SPAG16: variants seen among roughly 807,000 people sequenced by gnomAD.
SPAG16 encodes the protein sperm-associated antigen 16 protein.
In SPAG16, 86 loss-of-function variants were observed where a neutral mutation model predicts 80.4. That is an observed-to-expected ratio of 1.07 (90% CI 0.90 to 1.28). SPAG16 has a LOEUF of 1.28. Ranked by LOEUF, SPAG16 falls within the 50% of genes most tolerant of loss-of-function variation. The pLI is 0.00. For synonymous variants in SPAG16, 294 were observed against 265.9 expected, an observed-to-expected ratio of 1.11 and a Z score of -1.03; for missense variants, 870 against 765.3, an observed-to-expected ratio of 1.14 and a Z score of -1.61.
chr2:213,948,806 A>G (rs1010815506), intron 12 of SPAG16, among the ~76,000 whole-genome samples: 9 of 152,204 alleles, frequency 5.9e-5, no homozygotes, highest in Non-Finnish European at 1.0e-4. Flanking sequence ...AATGTATTTT[A>G]CACATATTCC....
At chr2:213,433,224 C>A (rs2070412004) in intron 9 of SPAG16, among the ~76,000 whole-genome samples, 1 of 152,088 alleles carries the variant, frequency 6.6e-6, no homozygotes, top group Non-Finnish European at 1.5e-5. Flanking sequence ...TTGGCCAATC[C>A]TATTCAACTT....
At chr2:213,796,175 T>C (rs2071018304) in intron 10 of SPAG16, among the ~76,000 whole-genome samples, 3 of 152,260 alleles carry the variant, frequency 2.0e-5, no homozygotes, top group South Asian at 4.1e-4. Flanking sequence ...ATTATAGTAA[T>C]TTAATTTCCA....
intron 8 of SPAG16, among the ~76,000 whole-genome samples, chr2:213,373,497 C>A (rs1229823268): frequency 2.6e-5 from 4 of 152,130 alleles, no homozygotes. Context: ...TGTAGAGCAA[C>A]AATGTATACA....
At chr2:214,256,683 T>C (rs1309489930) in intron 15 of SPAG16, among the ~76,000 whole-genome samples, 1 of 151,930 alleles carries the variant, frequency 6.6e-6, no homozygotes, top group Non-Finnish European at 1.5e-5. Flanking sequence ...CCCTTAACTG[T>C]CCACACTGGG....
intron 11 of SPAG16, among the ~76,000 whole-genome samples, chr2:213,869,265 A>AAAAAAAAAAAAAAATATATATACG (rs1491244962): frequency 4.0e-5 from 1 of 24,806 alleles, no homozygotes; most frequent in African/African-American, 5.4e-5. Flanking sequence ...AAAAAAAAAA[A>AAAAAAAAAAAAAAATATATATACG]TATATATATA....
intron 10 of SPAG16, among the ~76,000 whole-genome samples, chr2:213,699,418 GGCAGGCCT>G (rs754426742): frequency 2.0e-5 from 3 of 152,086 alleles, no homozygotes; most frequent in Non-Finnish European, 4.4e-5. Context: ...AATGACTAGT[GGCAGGCCT>G]GCAGGCCTTT....
chr2:214,212,968 A>G (rs1363623279), intron 15 of SPAG16, among the ~76,000 whole-genome samples: 1 of 152,192 alleles, frequency 6.6e-6, no homozygotes, highest in African/African-American at 2.4e-5. Flanking sequence ...GTGGGCCACC[A>G]TTATTGTCAA....
intron 13 of SPAG16, among the ~76,000 whole-genome samples, chr2:214,094,012 C>G (rs1295849900): frequency 1.3e-5 from 2 of 152,060 alleles, no homozygotes; most frequent in African/African-American, 4.8e-5. Context: ...ACGACCATAT[C>G]ACCTGGGAGC....
chr2:213,619,970 A>T (rs1263812871), intron 10 of SPAG16, among the ~76,000 whole-genome samples: 1 of 152,242 alleles, frequency 6.6e-6, no homozygotes, highest in Non-Finnish European at 1.5e-5. Context: ...ACAATGGAGT[A>T]CTATCCAGAC....
intron 11 of SPAG16, among the ~76,000 whole-genome samples, chr2:213,893,036 AC>A (rs2076846208): frequency 6.6e-6 from 1 of 152,130 alleles, no homozygotes; most frequent in Non-Finnish European, 1.5e-5. Context: ...AAAGTCAAGG[AC>A]CAAGAGTGAA....
At chr2:213,667,452 A>AAAC (rs1684921076) in intron 10 of SPAG16, among the ~76,000 whole-genome samples, 1 of 152,200 alleles carries the variant, frequency 6.6e-6, no homozygotes, top group African/African-American at 2.4e-5. Flanking sequence ...TGACAGAGGT[A>AAAC]AACTAAGTGA....
intron 10 of SPAG16, among the ~76,000 whole-genome samples, chr2:213,846,157 T>G (rs1237562710): frequency 6.6e-6 from 1 of 152,176 alleles, no homozygotes; most frequent in Non-Finnish European, 1.5e-5. Context: ...TTTTTAAGAT[T>G]GTTGAAAATT....
At chr2:213,524,392 T>A (rs1333272512) in intron 10 of SPAG16, among the ~76,000 whole-genome samples, 1 of 152,032 alleles carries the variant, frequency 6.6e-6, no homozygotes. Flanking sequence ...AAGAGAAATG[T>A]GGGGTTGGTG....
chr2:213,970,810 A>G (rs13396813), intron 12 of SPAG16, among the ~76,000 whole-genome samples: 63,042 of 152,052 alleles, frequency 0.41, 13,112 homozygotes, highest in South Asian at 0.5. Flanking sequence ...ATAAAAATGT[A>G]TGGAGTGAAT....
At chr2:214,254,649 C>T (rs991646961) in intron 15 of SPAG16, among the ~76,000 whole-genome samples, 4 of 151,914 alleles carry the variant, frequency 2.6e-5, no homozygotes, top group African/African-American at 4.8e-5. Flanking sequence ...CACTGAGTTT[C>T]GTTGATTCTT....
intron 9 of SPAG16, among the ~76,000 whole-genome samples, chr2:213,387,687 C>T (rs1413408178): frequency 1.3e-5 from 2 of 151,448 alleles, no homozygotes; most frequent in East Asian, 1.9e-4. Flanking sequence ...ATCTCCTGAC[C>T]TCGTGATCCG....
intron 15 of SPAG16, among the ~76,000 whole-genome samples, chr2:214,189,315 G>T (rs1489732030): frequency 6.6e-6 from 1 of 151,776 alleles, no homozygotes; most frequent in Non-Finnish European, 1.5e-5. Context: ...GGAATTTTAG[G>T]AAACATGCAG....
intron 6 of SPAG16, among the ~76,000 whole-genome samples, chr2:213,343,891 A>G (rs2064822905): frequency 6.6e-6 from 1 of 152,112 alleles, no homozygotes; most frequent in Admixed American, 6.6e-5. Context: ...TAAATAGTCC[A>G]TCATAGGTGT....
At chr2:214,016,436 C>A (rs1165312862) in intron 13 of SPAG16, among the ~76,000 whole-genome samples, 2 of 152,170 alleles carry the variant, frequency 1.3e-5, no homozygotes, top group Non-Finnish European at 2.9e-5. Context: ...CACCAGGTCC[C>A]TCCCATGACA....
Sources: gnomAD v4.1 joint callset for allele counts (sites outside exome capture counted in the v4.1 genomes callset) on GRCh38, gnomAD v4.1.1 for gene constraint, MANE v1.5 for transcripts, NCBI Gene and HGNC (gene_info 2026-07-23, HGNC 2026-07-21) for gene names.